ARSH: variants seen among roughly 807,000 people sequenced by gnomAD.
ARSH encodes the protein arylsulfatase family member H, also known as arylsulfatase H.
Under a neutral mutation model 28.7 loss-of-function variants are expected in ARSH, and 32 were observed. The observed-to-expected ratio is 1.11, with a 90% CI of 0.84 to 1.50. The LOEUF (loss-of-function observed/expected upper bound fraction) is 1.50. Ranked by LOEUF, ARSH falls within the 40% of genes most tolerant of loss-of-function variation. The probability of loss-of-function intolerance (pLI) is 0.00; values close to 1 mark genes in which losing one functional copy is unlikely to be tolerated. For synonymous variants in ARSH, 176 were observed against 177.3 expected (o/e 0.99, Z 0.06); for missense variants, 440 against 452.4 (o/e 0.97, Z 0.25).
chrX:3,024,373 A>G (rs1342871836), intron 6 of ARSH, among the ~76,000 whole-genome samples: 1 of 110,433 alleles, frequency 9.1e-6, no homozygotes, highest in Non-Finnish European at 1.9e-5. Context: ...CCCAGGAGAC[A>G]GCACAGCATC....
chrX:3,031,342 G>A (rs1402299061), intron 8 of ARSH, among the ~76,000 whole-genome samples: 4 of 111,762 alleles, frequency 3.6e-5, no homozygotes, highest in Non-Finnish European at 7.5e-5. Flanking sequence ...GACCTGCCGG[G>A]TGGTTGCTTA....
At chrX:3,012,997 C>T (rs777346497) in intron 2 of ARSH, 50 bp from the exon 3 acceptor site, 10 of 1,165,970 alleles carry the variant, frequency 8.6e-6, no homozygotes, top group South Asian at 2.0e-5. Context: ...GGGATAAATT[C>T]GGTATTAGCA....
chrX:3,027,393 A>G lies in ARSH; in HGVS notation c.1117A>G (p.Arg373Gly). 1 of 1,211,245 alleles carries G rather than the reference A, an allele frequency of 8.3e-7. No homozygotes were observed. Among genetic ancestry groups the G allele is most frequent in the Non-Finnish European group, 1.1e-6 (1 of 895,050 alleles). ...GTGGCCGTCAGTCTTGGAGGCTGGG[A>G]GAGTGATCAATGAGCCCACCAGCTT... ...FRWPSVLEAG[R>G]VINEPTSLMD... The change falls in exon 7 of 9, where the codon AGA becomes GGA. Residue 373 changes from arginine (R) to glycine (G), a missense_variant. By Grantham distance (125) the Arg-to-Gly change is moderately radical. Transcript: ENST00000381130.
Position 3,009,889 on chromosome X carries a change from C to T in ARSH, c.93-141C>T, listed in dbSNP as rs1395989648. Reference sequence around the variant, plus strand: ...CCATCAATGCATATAAGGAAATAGACAGATTAAAGTTTTAAAAAGATGGAT... The same window carrying T: ...CCATCAATGCATATAAGGAAATAGATAGATTAAAGTTTTAAAAAGATGGAT... On this transcript the variant is annotated intron_variant, in intron 1 of 8. Coordinates refer to ENST00000381130, the MANE Select transcript of ARSH (RefSeq NM_001011719.2). 8.8e-6 allele frequency: 6 copies of T among 680,324 alleles called. No homozygotes were observed. In the East Asian group the frequency reaches 1.3e-4, roughly 15 times the overall value. 56.1% of individuals were successfully genotyped at this position (680,324 alleles called of 1,213,427 possible).
At chrX:3,018,069 A>G (rs969790353) in intron 4 of ARSH, among the ~76,000 whole-genome samples, 43 of 112,144 alleles carry the variant, frequency 3.8e-4, no homozygotes, top group African/African-American at 1.3e-3. Context: ...GTGTGATAAT[A>G]GCTCACGGCA....
chrX:3,018,632 G>A lies in ARSH; in HGVS notation c.863G>A (p.Arg288Lys). 1 of 1,210,915 alleles carries A rather than the reference G, an allele frequency of 8.3e-7. No individual in the cohort carries two copies. ...KKFVGRSKYG[R>K]YGDNVEEMDW... ...TTTGTTGGGCGCAGTAAATATGGCA[G>A]GTATGGGGACAATGTAGAAGAAATG... The change falls in exon 5 of 9, where the codon AGG becomes AAG. Residue 288 changes from arginine (R) to lysine (K), a missense_variant. Physicochemically the swap from Arg to Lys is conservative, Grantham distance 26. Transcript: ENST00000381130.
chrX:3,026,686 G>T (rs1055749451), intron 6 of ARSH, among the ~76,000 whole-genome samples: 2 of 111,507 alleles, frequency 1.8e-5, no homozygotes, highest in Non-Finnish European at 3.8e-5. Context: ...CACCCAAGGG[G>T]ACTTTTGTCT....
chrX:3,033,079 CTG>C lies in ARSH; in HGVS notation c.1384_1385del (p.Cys462LeufsTer22). 5 of 1,211,078 alleles carry C rather than the reference CTG, an allele frequency of 4.1e-6. No individual in the cohort carries two copies. Among genetic ancestry groups the C allele is most frequent in the Non-Finnish European group, 5.6e-6 (5 of 895,239 alleles). ...AATTCTACCCTGAAGGAACAGGTGC[CTG>C]CTATGGGAGTGGAATATGTTCATGT... ...PKFYPEGTGACYGSGICSCSG... is the reference protein window; with the variant it reads ...PKFYPEGTGAXYGSGICSCSG... On this transcript the variant is annotated frameshift_variant, in exon 9 of 9. Coordinates refer to ENST00000381130, the MANE Select transcript of ARSH (RefSeq NM_001011719.2). LOFTEE classifies it low-confidence loss of function (END_TRUNC).
In ARSH at chrX:3,027,435, A is replaced by T. The variant is rs747118113; in HGVS notation, c.1159A>T (p.Thr387Ser). The stretch of plus-strand genomic sequence containing the variant: ...CACCAGCTTAATGGACATCTATCCG[A>T]CGCTGTCTTATATAGGCGGAGGGAT... ...EPTSLMDIYPTLSYIGGGILS... is the reference protein window; with the variant it reads ...EPTSLMDIYPSLSYIGGGILS... The change falls in exon 7 of 9, where the codon ACG (threonine) becomes TCG (serine). Residue 387 changes from threonine to serine, a missense_variant. Thr to Ser is a moderately conservative substitution (Grantham distance 58, BLOSUM62 1). Coordinates refer to ENST00000381130, the MANE Select transcript of ARSH (RefSeq NM_001011719.2). 1.2e-5 allele frequency: 14 copies of T among 1,209,807 alleles called. No individual in the cohort carries two copies. Among genetic ancestry groups the T allele is most frequent in the Non-Finnish European group, 1.6e-5 (14 of 895,173 alleles).
At chrX:3,009,947 C>A in intron 1 of ARSH, 83 bp from the exon 2 acceptor site, 4 of 1,105,257 alleles carry the variant, frequency 3.6e-6, no homozygotes, top group Non-Finnish European at 2.4e-6. Context: ...TCAACTTGAC[C>A]CAAAATAGAA....
intron 3 of ARSH, 94 bp downstream of exon 3, chrX:3,013,266 G>C (rs1372961787): frequency 9.9e-7 from 1 of 1,009,099 alleles, no homozygotes; most frequent in South Asian, 2.5e-5. Context: ...CTTTGTGCGC[G>C]CCAGTTTGAC....
Position 3,024,004 on chromosome X carries a change from T to G in ARSH, c.902-17T>G. The G allele has an allele frequency of 8.3e-7, 1 of 1,208,759 alleles. No individual in the cohort carries two copies. The highest frequency in any genetic ancestry group is 1.1e-6 in the Non-Finnish European group (1 of 894,249). On this transcript the variant is annotated splice_polypyrimidine_tract_variant and intron_variant, in intron 5 of 8. Transcript: ENST00000381130. ...GCATCAAGAGGTCAACGTCTTTGTG[T>G]CTCTGACCCTCTCCAGGTAAAATCC...
chrX:3,019,575 G>A (rs2089875791), intron 5 of ARSH, among the ~76,000 whole-genome samples: 1 of 111,027 alleles, frequency 9.0e-6, no homozygotes, highest in African/African-American at 3.3e-5. Flanking sequence ...TCCTCTCAGC[G>A]ATGGTGTTTC....
At position 3,029,374 on chromosome X, in the gene ARSH, T is replaced by C. The variant is rs371913253; in HGVS notation, c.1321+6T>C. 2.2e-5 allele frequency: 26 copies of C among 1,205,100 alleles called. No individual in the cohort carries two copies. Among genetic ancestry groups the C allele is most frequent in the Middle Eastern group, 2.3e-4 (1 of 4,349 alleles). On this transcript the variant is annotated splice_donor_region_variant and intron_variant, in intron 8 of 8. Coordinates refer to ENST00000381130, the MANE Select transcript of ARSH (RefSeq NM_001011719.2). ...CAGGTGGCATCAGAAGGACTGTAAG[T>C]ATGAAGGCTGTGGACACGTGGAAAG...
Position 3,033,119 on chromosome X carries a change from A to T in ARSH, c.1423A>T (p.Thr475Ser). The change falls in exon 9 of 9, where the codon ACC becomes TCC. Residue 475 changes from threonine (T) to serine (S), a missense_variant. By Grantham distance (58) the Thr-to-Ser change is moderately conservative. Coordinates refer to ENST00000381130, the MANE Select transcript of ARSH (RefSeq NM_001011719.2). ...SGICSCSGDV[T>S]YHDPPLLFDI... The stretch of plus-strand genomic sequence containing the variant: ...AATATGTTCATGTTCGGGGGATGTA[A>T]CCTACCACGACCCACCACTCCTCTT... 8.3e-7 allele frequency: 1 copy of T among 1,210,855 alleles called. No individual in the cohort carries two copies. Among genetic ancestry groups the T allele is most frequent in the Non-Finnish European group, 1.1e-6 (1 of 895,305 alleles).
At chrX:3,021,801 C>G (rs1212961607) in intron 5 of ARSH, among the ~76,000 whole-genome samples, 1 of 107,167 alleles carries the variant, frequency 9.3e-6, no homozygotes, top group Non-Finnish European at 1.9e-5. Context: ...CACACTTGAC[C>G]TCCTCGGCTC....
At chrX:3,026,262 A>G (rs962958114) in intron 6 of ARSH, among the ~76,000 whole-genome samples, 6 of 110,693 alleles carry the variant, frequency 5.4e-5, no homozygotes, top group African/African-American at 2.0e-4. Flanking sequence ...TGATTGCGCC[A>G]CTGCACTCCA....
intron 1 of ARSH, 80 bp downstream of exon 1, chrX:3,006,784 A>T (rs1256351386): frequency 4.7e-6 from 4 of 851,040 alleles, no homozygotes; most frequent in Non-Finnish European, 6.7e-6. Flanking sequence ...GTTGCAGAGA[A>T]GGGTTTCTGG....
intron 5 of ARSH, among the ~76,000 whole-genome samples, chrX:3,023,658 T>A (rs953995086): frequency 8.4e-5 from 9 of 107,324 alleles, no homozygotes; most frequent in Non-Finnish European, 1.7e-4. Context: ...ATACATCATG[T>A]TATATATTAA....
Sources: allele counts gnomAD v4.1 joint callset (sites outside exome capture counted in the v4.1 genomes callset), GRCh38; gene constraint gnomAD v4.1.1; transcripts MANE v1.5; gene names NCBI Gene and HGNC (gene_info 2026-07-23, HGNC 2026-07-21).